Variants in PTPRD observed in about 807,000 individuals in gnomAD.
PTPRD encodes the protein receptor-type tyrosine-protein phosphatase delta.
In PTPRD, 34 loss-of-function variants were observed where a neutral mutation model predicts 214.5. The observed-to-expected ratio is 0.16, with a 90% CI of 0.12 to 0.21. PTPRD has a LOEUF of 0.21. PTPRD is among the 10% of genes least tolerant of loss of function. The pLI, the probability that PTPRD is intolerant of heterozygous loss-of-function variation, is 1.00. For missense variants in PTPRD, 2,545 were observed against 2,398.7 expected (o/e 1.06, Z -1.27); for synonymous variants, 1,128 against 845.7 (o/e 1.33, Z -5.79).
chr9:8,386,898 C>T (rs1425701606), intron 37 of PTPRD, among the ~76,000 whole-genome samples: 4 of 152,156 alleles, frequency 2.6e-5, no homozygotes, highest in Non-Finnish European at 5.9e-5. Flanking sequence ...TATGAGGCTC[C>T]AGTGCTTTGT....
intron 9 of PTPRD, among the ~76,000 whole-genome samples, chr9:9,275,964 G>A (rs191489583): frequency 6.6e-6 from 1 of 151,194 alleles, no homozygotes; most frequent in Non-Finnish European, 1.5e-5. Flanking sequence ...GGGAAGAAAA[G>A]AAATGGAGAA....
chr9:9,945,732 T>C (rs890856244), intron 4 of PTPRD, among the ~76,000 whole-genome samples: 1 of 152,110 alleles, frequency 6.6e-6, no homozygotes, highest in African/African-American at 2.4e-5. Context: ...CACACATAAA[T>C]AGAACACTTC....
intron 9 of PTPRD, among the ~76,000 whole-genome samples, chr9:9,202,816 C>G (rs2099942660): frequency 6.6e-6 from 1 of 152,164 alleles, no homozygotes; most frequent in African/African-American, 2.4e-5. Context: ...ATCTTTGAAG[C>G]TTGGCTTTCT....
chr9:8,452,692 T>C (rs1281881711), intron 33 of PTPRD, among the ~76,000 whole-genome samples: 2 of 152,194 alleles, frequency 1.3e-5, no homozygotes, highest in Non-Finnish European at 2.9e-5. Flanking sequence ...GAAAAGGAAA[T>C]GGAAGATCAC....
chr9:9,152,050 A>C (rs1409207490), intron 10 of PTPRD, among the ~76,000 whole-genome samples: 1 of 152,182 alleles, frequency 6.6e-6, no homozygotes, highest in Non-Finnish European at 1.5e-5. Flanking sequence ...AAAAGAAATA[A>C]ACTGGATTTT....
intron 11 of PTPRD, among the ~76,000 whole-genome samples, chr9:8,789,297 G>C (rs185424721): frequency 5.4e-4 from 83 of 152,314 alleles, no homozygotes; most frequent in African/African-American, 1.9e-3. Flanking sequence ...GATTGGCACA[G>C]AGGTGGTTGT....
At chr9:9,253,373 T>A (rs557937056) in intron 9 of PTPRD, among the ~76,000 whole-genome samples, 22 of 152,212 alleles carry the variant, frequency 1.4e-4, no homozygotes, top group Admixed American at 1.4e-3. Context: ...GTCTAGAAAT[T>A]ATTGGAAAAT....
intron 27 of PTPRD, among the ~76,000 whole-genome samples, chr9:8,488,450 G>A (rs879816245): frequency 1.3e-5 from 2 of 152,106 alleles, no homozygotes; most frequent in Non-Finnish European, 2.9e-5. Flanking sequence ...TGTGTGTTGT[G>A]TTGTATATAT....
Position 8,609,285 on chromosome 9 carries a change from G to T in PTPRD, c.352+24032C>A, listed in dbSNP as rs578006688. Among the ~76,000 whole-genome samples, 4 of 152,310 alleles carry T rather than the reference G, an allele frequency of 2.6e-5. No individual in the cohort carries two copies. The South Asian group carries it at 8.3e-4, about 32-fold the overall frequency. ...TGTTCACGTGGCAGCACTGGACAGGGTGTTTAGGAGGTAACTCCATAAAGG... is the reference window on the plus strand; with the variant it reads ...TGTTCACGTGGCAGCACTGGACAGGTTGTTTAGGAGGTAACTCCATAAAGG... On this transcript the variant is annotated intron_variant, in intron 14 of 45. Coordinates refer to ENST00000381196, the MANE Select transcript of PTPRD (RefSeq NM_002839.4).
At chr9:8,319,224 A>G (rs1345344015) in intron 45 of PTPRD, among the ~76,000 whole-genome samples, 2 of 152,106 alleles carry the variant, frequency 1.3e-5, no homozygotes, top group African/African-American at 2.4e-5. Context: ...CATAAACTCT[A>G]TCAGTAATAT....
At chr9:9,897,531 T>C (rs926079364) in intron 5 of PTPRD, among the ~76,000 whole-genome samples, 13 of 152,084 alleles carry the variant, frequency 8.5e-5, no homozygotes, top group Admixed American at 1.3e-4. Context: ...ACTATATCTA[T>C]GTTAAAATAT....
At chr9:10,554,616 C>G (rs1193503902) in intron 2 of PTPRD, among the ~76,000 whole-genome samples, 1 of 151,628 alleles carries the variant, frequency 6.6e-6, no homozygotes, top group Admixed American at 6.6e-5. Context: ...TTTATACATC[C>G]CTAAAGATGA....
intron 9 of PTPRD, among the ~76,000 whole-genome samples, chr9:9,325,444 CT>C (rs1969485033): frequency 6.6e-6 from 1 of 152,012 alleles, no homozygotes; most frequent in African/African-American, 2.4e-5. Context: ...ATTTTATTCC[CT>C]TTGTAGCCAT....
intron 5 of PTPRD, among the ~76,000 whole-genome samples, chr9:9,846,985 T>C (rs1185591439): frequency 1.3e-5 from 2 of 152,050 alleles, no homozygotes; most frequent in African/African-American, 4.8e-5. Flanking sequence ...AAAATATATA[T>C]TTTTTTGAGT....
chr9:9,639,691 G>T (rs1249335356), intron 7 of PTPRD, among the ~76,000 whole-genome samples: 2 of 152,066 alleles, frequency 1.3e-5, no homozygotes, highest in African/African-American at 2.4e-5. Context: ...AAAATTATGG[G>T]TGATAGATCT....
chr9:9,998,146 A>ATATATATATG, intron 4 of PTPRD, among the ~76,000 whole-genome samples: 1 of 137,770 alleles, frequency 7.3e-6, no homozygotes, highest in South Asian at 2.2e-4. Flanking sequence ...ATATATATAT[A>ATATATATATG]AAAGAAGAAG....
At chr9:10,064,094 T>G (rs1005924298) in intron 3 of PTPRD, among the ~76,000 whole-genome samples, 4 of 151,992 alleles carry the variant, frequency 2.6e-5, no homozygotes, top group Non-Finnish European at 5.9e-5. Flanking sequence ...TAGGTCTTTT[T>G]TTGTCTTCAA....
At chr9:10,223,234 C>T (rs78985184) in intron 3 of PTPRD, among the ~76,000 whole-genome samples, 1 of 152,004 alleles carries the variant, frequency 6.6e-6, no homozygotes, top group East Asian at 1.9e-4. Flanking sequence ...TCCTCTTCCT[C>T]CTTTTCTTAC....
chr9:8,660,164 G>T (rs2097008934), intron 12 of PTPRD, among the ~76,000 whole-genome samples: 1 of 152,102 alleles, frequency 6.6e-6, no homozygotes, highest in Non-Finnish European at 1.5e-5. Flanking sequence ...ACCACATTTG[G>T]TTGAAATCTT....
Sources: gnomAD v4.1 joint callset for allele counts (sites outside exome capture counted in the v4.1 genomes callset) on GRCh38, gnomAD v4.1.1 for gene constraint, MANE v1.5 for transcripts, NCBI Gene and HGNC (gene_info 2026-07-23, HGNC 2026-07-21) for gene names.